The following RNF144A variants were observed in gnomAD, a reference collection of about 807,000 sequenced individuals.
RNF144A encodes the protein ring finger protein 144A.
Under a neutral mutation model 38.7 loss-of-function variants are expected in RNF144A, and 11 were observed. The observed-to-expected ratio is 0.28, with a 90% CI of 0.18 to 0.47. The LOEUF is 0.47. Ranked by LOEUF, RNF144A falls within the 20% of genes least tolerant of loss-of-function variation. The pLI, the probability that RNF144A is intolerant of heterozygous loss-of-function variation, is 0.99. For missense variants in RNF144A, 316 were observed against 377.2 expected (o/e 0.84, Z 1.34); for synonymous variants, 149 against 143.9 (o/e 1.04, Z -0.25).
intron 2 of RNF144A, among the ~76,000 whole-genome samples, chr2:6,982,085 C>G (rs1175354109): frequency 6.6e-6 from 1 of 152,084 alleles, no homozygotes; most frequent in Non-Finnish European, 1.5e-5. Context: ...GGGGAAACTG[C>G]CCCCCATGAT....
At chr2:6,932,607 A>G (rs899870494) in intron 1 of RNF144A, among the ~76,000 whole-genome samples, 14 of 152,198 alleles carry the variant, frequency 9.2e-5, no homozygotes, top group Admixed American at 7.9e-4. Context: ...TGCCTCTACT[A>G]TAACAAGCTT....
chr2:7,002,310 C>T (rs951733770), intron 3 of RNF144A, among the ~76,000 whole-genome samples: 1 of 152,192 alleles, frequency 6.6e-6, no homozygotes, highest in Admixed American at 6.5e-5. Context: ...GTAGGTAAGA[C>T]ATAATCCCTG....
At position 6,943,278 on chromosome 2, in the gene RNF144A, C is replaced by A. The variant is rs187866308; in HGVS notation, c.-12+2131C>A. Among the ~76,000 whole-genome samples, 7 of 152,302 alleles carry A rather than the reference C, an allele frequency of 4.6e-5. No homozygotes were observed. The highest frequency in any genetic ancestry group is 3.3e-4 in the Admixed American group (5 of 15,300). Reference sequence around the variant, plus strand: ...GCCAGCAAAGGAGAACAAGAGGGAACAACCAGGGAGGAAGCGGGGGAACCA... The same window carrying A: ...GCCAGCAAAGGAGAACAAGAGGGAAAAACCAGGGAGGAAGCGGGGGAACCA... On this transcript the variant is annotated intron_variant, in intron 2 of 8. Transcript: ENST00000320892. This position sits in a 1 kb window ranked among gnomAD's most constrained non-coding sequence, Gnocchi z 4.3.
intron 5 of RNF144A, among the ~76,000 whole-genome samples, chr2:7,017,937 A>G (rs1671246676): frequency 6.6e-6 from 1 of 152,162 alleles, no homozygotes; most frequent in Admixed American, 6.5e-5. Context: ...TCACAGCTAT[A>G]TGAGGACAAA....
At chr2:6,940,571 C>G (rs939688693) in intron 1 of RNF144A, among the ~76,000 whole-genome samples, 2 of 151,380 alleles carry the variant, frequency 1.3e-5, no homozygotes, top group Non-Finnish European at 2.9e-5. Flanking sequence ...TTATTATATA[C>G]TTCTGAGTTA....
intron 1 of RNF144A, among the ~76,000 whole-genome samples, chr2:6,924,560 G>T (rs1360821996): frequency 6.6e-6 from 1 of 152,208 alleles, no homozygotes; most frequent in African/African-American, 2.4e-5. Flanking sequence ...GACGGGCAGG[G>T]TTTGTTCTGG....
Position 6,941,360 on chromosome 2 carries a change from T to TTA in RNF144A, c.-12+216_-12+217dup, listed in dbSNP as rs1175435534. ...CATTATTTTATGCCATCATAGTTGT[T>TTA]TATACTTTGGAAAGATTTCCAGGTT... On this transcript the variant is annotated intron_variant, in intron 2 of 8. Transcript: ENST00000320892. This position sits in a 1 kb window ranked among gnomAD's most constrained non-coding sequence, Gnocchi z 6.5. 6.6e-6 allele frequency among the ~76,000 whole-genome samples: 1 copy of TTA among 152,262 alleles called. No individual in the cohort carries two copies. The highest frequency in any genetic ancestry group is 2.4e-5 in the African/African-American group (1 of 41,476).
In RNF144A at chr2:7,039,591, G is replaced by A. The variant is rs763419883; in HGVS notation, c.748-38G>A. The A allele has an allele frequency of 1.9e-6, 3 of 1,610,830 alleles. No individual in the cohort carries two copies. In the South Asian group the frequency reaches 3.3e-5, roughly 18 times the overall value. The stretch of plus-strand genomic sequence containing the variant: ...CTTTAGCTCTGGAACCTACAGACCA[G>A]CCCTCCTTACCTCTACCCCTTTGTT... On this transcript the variant is annotated intron_variant, in intron 8 of 8. Transcript: ENST00000320892.
At chr2:6,922,626 CTTTTTTTTT>C (rs1209204554) in intron 1 of RNF144A, among the ~76,000 whole-genome samples, 1 of 136,958 alleles carries the variant, frequency 7.3e-6, no homozygotes, top group Non-Finnish European at 1.6e-5. Flanking sequence ...TCTTGTTTTT[CTTTTTTTTT>C]TTTTTTTGAG....
chr2:6,967,997 C>T (rs1355799518), intron 2 of RNF144A, among the ~76,000 whole-genome samples: 7 of 152,060 alleles, frequency 4.6e-5, no homozygotes, highest in African/African-American at 1.7e-4. Flanking sequence ...CGGGTCACTG[C>T]GTGTAATGAG....
chr2:6,925,614 A>G (rs1664807718), intron 1 of RNF144A, among the ~76,000 whole-genome samples: 1 of 152,186 alleles, frequency 6.6e-6, no homozygotes, highest in African/African-American at 2.4e-5. Context: ...GGGCAGGTTC[A>G]AGGCGCAGAA....
intron 2 of RNF144A, among the ~76,000 whole-genome samples, chr2:6,964,739 A>G (rs570612581): frequency 1.3e-4 from 20 of 151,644 alleles, no homozygotes; most frequent in Non-Finnish European, 2.9e-4. Context: ...CAAACACCAC[A>G]TATTCTCACT....
At position 6,985,211 on chromosome 2, in the gene RNF144A, G is replaced by A. The variant is rs2103369196; in HGVS notation, c.-11-11705G>A. On this transcript the variant is annotated intron_variant, in intron 2 of 8. Coordinates refer to ENST00000320892, the MANE Select transcript of RNF144A (RefSeq NM_014746.6). ...AAGGTGATTCCGCGGGACTTCCCCA[G>A]GTTTCTTTGAACAGATTTAGTGTCA... Among the ~76,000 whole-genome samples, 2 of 150,798 alleles carry A rather than the reference G, an allele frequency of 1.3e-5. 1 individual carries two copies. The highest frequency in any genetic ancestry group is 1.3e-4 in the Admixed American group (2 of 15,140).
At chr2:6,976,261 C>G (rs972116768) in intron 2 of RNF144A, among the ~76,000 whole-genome samples, 15 of 152,290 alleles carry the variant, frequency 9.8e-5, no homozygotes, top group Admixed American at 6.5e-5. Flanking sequence ...CAGCCTCCCC[C>G]ACAGGGTTTG....
chr2:7,053,670 A>G (rs1341509437), intron 6 of RNF144A, among the ~76,000 whole-genome samples: 2 of 152,268 alleles, frequency 1.3e-5, no homozygotes, highest in Admixed American at 1.3e-4. Flanking sequence ...AGTGTATGAT[A>G]GCAAGGTAAA....
chr2:7,029,785 C>T (rs1372736519), intron 7 of RNF144A, among the ~76,000 whole-genome samples: 1 of 152,204 alleles, frequency 6.6e-6, no homozygotes, highest in Non-Finnish European at 1.5e-5. Context: ...AGCCCTTTGT[C>T]CCCATGAGAT....
chr2:6,964,158 A>G (rs1038390166), intron 2 of RNF144A, among the ~76,000 whole-genome samples: 4 of 152,240 alleles, frequency 2.6e-5, no homozygotes, highest in African/African-American at 9.6e-5. Context: ...AAGAGGGAGC[A>G]TGTTCATGTC....
intron 8 of RNF144A, among the ~76,000 whole-genome samples, chr2:7,035,279 C>A (rs56277241): frequency 6.6e-6 from 1 of 152,320 alleles, no homozygotes; most frequent in Non-Finnish European, 1.5e-5. Flanking sequence ...GGCCACAGCA[C>A]GTGCTGAGCA....
intron 3 of RNF144A, among the ~76,000 whole-genome samples, chr2:7,005,445 G>A (rs1246356950): frequency 2.0e-5 from 3 of 152,292 alleles, no homozygotes; most frequent in East Asian, 3.9e-4. Flanking sequence ...TTGGTTTTTC[G>A]ATGGGGAGAA....
Sources: gnomAD v4.1 joint callset for allele counts (sites outside exome capture counted in the v4.1 genomes callset) on GRCh38, gnomAD v4.1.1 for gene constraint, Gnocchi (gnomAD v3.1) non-coding constraint, MANE v1.5 for transcripts, NCBI Gene and HGNC (gene_info 2026-07-23, HGNC 2026-07-21) for gene names.